Variants in TRPC1 observed in about 807,000 individuals in gnomAD.
TRPC1 encodes the protein transient receptor potential cation channel subfamily C member 1, also known as short transient receptor potential channel 1.
TRPC1 carries 42 observed loss-of-function variants against 88.2 expected under a neutral mutation model. The observed-to-expected ratio is 0.48, with a 90% confidence interval of 0.37 to 0.62. The LOEUF (loss-of-function observed/expected upper bound fraction) is 0.62, where lower values mean the gene tolerates loss of function less well. Ranked by LOEUF, TRPC1 falls within the 20% of genes least tolerant of loss-of-function variation. The pLI is 0.00. For synonymous variants in TRPC1, 288 were observed against 331.8 expected (o/e 0.87, Z 1.43); for missense variants, 699 against 957.3 (o/e 0.73, Z 3.56).
chr3:142,753,850 T>C (rs1934865716), intron 4 of TRPC1, among the ~76,000 whole-genome samples: 1 of 152,028 alleles, frequency 6.6e-6, no homozygotes, highest in South Asian at 2.1e-4. Flanking sequence ...ATCCTAGCAT[T>C]TTGGGAGGCC....
intron 1 of TRPC1, among the ~76,000 whole-genome samples, chr3:142,732,811 C>T (rs1933974818): frequency 1.3e-5 from 2 of 152,276 alleles, no homozygotes; most frequent in South Asian, 4.1e-4. Context: ...AAAGCAACTT[C>T]GTTATAAAAT....
intron 7 of TRPC1, among the ~76,000 whole-genome samples, chr3:142,789,672 C>T (rs553965498): frequency 6.6e-6 from 1 of 152,244 alleles, no homozygotes; most frequent in East Asian, 1.9e-4. Context: ...CCGAAAATGA[C>T]TTAATGAAGG....
intron 7 of TRPC1, among the ~76,000 whole-genome samples, chr3:142,788,850 G>A (rs1936212532): frequency 6.6e-6 from 1 of 152,110 alleles, no homozygotes; most frequent in African/African-American, 2.4e-5. Flanking sequence ...ATCCAGCTTG[G>A]AAACATGCAA....
intron 4 of TRPC1, among the ~76,000 whole-genome samples, chr3:142,771,464 G>A (rs1393885015): frequency 6.6e-6 from 1 of 152,130 alleles, no homozygotes; most frequent in Admixed American, 6.5e-5. Context: ...GTGAGCCACT[G>A]TGCCCAGCAG....
chr3:142,764,307 ATAGAT>A (rs1299277011), intron 4 of TRPC1, among the ~76,000 whole-genome samples: 1 of 152,044 alleles, frequency 6.6e-6, no homozygotes. Context: ...AGATACAGTA[ATAGAT>A]TATTCTGTGT....
At chr3:142,800,835 T>G (rs1373209389) in intron 9 of TRPC1, among the ~76,000 whole-genome samples, 1 of 151,740 alleles carries the variant, frequency 6.6e-6, no homozygotes, top group Non-Finnish European at 1.5e-5. Context: ...GGAGAATCAC[T>G]TGAACTTGGG....
rs746946230 is a variant in TRPC1, at chr3:142,802,189, A to G, written c.1602A>G (p.Leu534=). The G allele has an allele frequency of 8.8e-6, 14 of 1,584,816 alleles. No individual in the cohort carries two copies. The highest frequency in any genetic ancestry group is 1.2e-5 in the Non-Finnish European group (14 of 1,168,908). ...GPLQISMGQM[L]QDFGKFLGMF... Reference sequence around the variant, plus strand: ...CACAGATTTCAATGGGACAGATGTTACAAGATTTTGGAAAATTTCTTGGGA... The same window carrying G: ...CACAGATTTCAATGGGACAGATGTTGCAAGATTTTGGAAAATTTCTTGGGA... Residue 534 remains leucine (L), a synonymous_variant, in exon 10 of 13, where the codon TTA becomes TTG. Coordinates refer to ENST00000476941, the MANE Select transcript of TRPC1 (RefSeq NM_001251845.2).
chr3:142,727,206 C>G (rs994000409), intron 1 of TRPC1, among the ~76,000 whole-genome samples: 1 of 152,156 alleles, frequency 6.6e-6, no homozygotes, highest in Non-Finnish European at 1.5e-5. Context: ...GGGTAAAAAG[C>G]AAGCATGGTA....
rs776402440 is a variant in TRPC1 at position 142,756,801 on chromosome 3, T to C, written c.632+8341T>C. Among the ~76,000 whole-genome samples the C allele has an allele frequency of 9.7e-4, 147 of 152,214 alleles. 2 individuals are homozygous for C. The highest frequency in any genetic ancestry group is 1.8e-4 in the Non-Finnish European group (12 of 68,034). ...TTATTTCTTGTTGAGGTAAAATATA[T>C]GTCTATAATTTACCATCTTTGCCAT... On this transcript the variant is annotated intron_variant, in intron 4 of 12. Transcript: ENST00000476941.
intron 2 of TRPC1, among the ~76,000 whole-genome samples, 172 bp downstream of exon 2, chr3:142,736,705 C>T (rs902452342): frequency 1.3e-5 from 2 of 151,768 alleles, no homozygotes; most frequent in African/African-American, 4.8e-5. Context: ...TTTTGAGGCA[C>T]TAAAAGTTTT....
chr3:142,757,954 G>C (rs1212222594), intron 4 of TRPC1, among the ~76,000 whole-genome samples: 1 of 152,068 alleles, frequency 6.6e-6, no homozygotes, highest in Non-Finnish European at 1.5e-5. Context: ...TTTATCCTTT[G>C]TGTTGCAAAC....
At chr3:142,803,238 T>A (rs148161325) in intron 10 of TRPC1, among the ~76,000 whole-genome samples, 2 of 152,276 alleles carry the variant, frequency 1.3e-5, no homozygotes, top group African/African-American at 4.8e-5. Flanking sequence ...ATGACATTCA[T>A]GTGAGGATCT....
At chr3:142,761,934 T>A (rs2354856) in intron 4 of TRPC1, among the ~76,000 whole-genome samples, 51,379 of 151,996 alleles carry the variant, frequency 0.34, 11,907 homozygotes, top group African/African-American at 0.67. Flanking sequence ...TTTCATTTCT[T>A]ATTTTTTTAT....
chr3:142,731,485 C>T (rs1933909917), intron 1 of TRPC1, among the ~76,000 whole-genome samples: 1 of 148,820 alleles, frequency 6.7e-6, no homozygotes, highest in Admixed American at 6.8e-5. Context: ...CCCACGTTCA[C>T]GCCATTCTCC....
chr3:142,744,757 A>T (rs1028519338), intron 3 of TRPC1, among the ~76,000 whole-genome samples: 2 of 151,976 alleles, frequency 1.3e-5, no homozygotes, highest in African/African-American at 4.8e-5. Flanking sequence ...TACTCTTTTT[A>T]TTTTTCTTTA....
intron 7 of TRPC1, among the ~76,000 whole-genome samples, chr3:142,789,970 A>G (rs1400068155): frequency 1.3e-5 from 2 of 152,194 alleles, no homozygotes; most frequent in Non-Finnish European, 2.9e-5. Flanking sequence ...CCTAATAAGT[A>G]AATTATATTC....
rs139635169 is a variant in TRPC1 at position 142,777,647 on chromosome 3, A to T, written c.648A>T (p.Ile216=). The T allele has an allele frequency of 3.1e-6, 5 of 1,603,894 alleles. No individual in the cohort carries two copies. The Admixed American group carries it at 8.4e-5, about 27-fold the overall frequency. ...TTTATCACAGGTTTCGTCTTGATAT[A>T]TATCGATGTTTGGCCAGTCCAGCTC... The part of the protein sequence containing the change: ...SLRHSRFRLD[I]YRCLASPALI... Residue 216 remains isoleucine (I), a synonymous_variant, in exon 5 of 13, where the codon ATA becomes ATT. Transcript: ENST00000476941.
intron 1 of TRPC1, among the ~76,000 whole-genome samples, chr3:142,729,265 C>G (rs1015737799): frequency 2.6e-5 from 4 of 152,192 alleles, no homozygotes; most frequent in African/African-American, 9.7e-5. Flanking sequence ...AACTTTGCTG[C>G]TCTTTTTCTG....
intron 9 of TRPC1, among the ~76,000 whole-genome samples, chr3:142,800,635 G>A (rs1215653735): frequency 6.6e-6 from 1 of 152,038 alleles, no homozygotes; most frequent in Non-Finnish European, 1.5e-5. Context: ...AAAATAATGA[G>A]GCCAGGCACG....
Sources: gnomAD v4.1 joint callset for allele counts (sites outside exome capture counted in the v4.1 genomes callset) on GRCh38, gnomAD v4.1.1 for gene constraint, MANE v1.5 for transcripts, NCBI Gene and HGNC (gene_info 2026-07-23, HGNC 2026-07-21) for gene names.